The following IFT74 variants were observed in gnomAD, a reference collection of about 807,000 sequenced individuals.
IFT74 encodes the protein intraflagellar transport 74.
A neutral mutation model predicts 96.7 loss-of-function variants in IFT74; 92 were observed. The ratio of observed to expected loss-of-function variants is 0.95; its 90% CI spans 0.80 to 1.13. The LOEUF (loss-of-function observed/expected upper bound fraction) is 1.13, where lower values mean the gene tolerates loss of function less well. IFT74 is among the 50% of genes most tolerant of loss of function. The pLI is 0.00. For synonymous variants in IFT74, 223 were observed against 213.2 expected (o/e 1.05, Z -0.40); for missense variants, 811 against 698.2 (o/e 1.16, Z -1.82).
At chr9:27,019,412 T>C (rs1829496048) in intron 12 of IFT74, among the ~76,000 whole-genome samples, 1 of 152,038 alleles carries the variant, frequency 6.6e-6, no homozygotes, top group East Asian at 1.9e-4. Flanking sequence ...TCAGGATGCT[T>C]TCACTTAGCA....
intron 9 of IFT74, 77 bp downstream of exon 9, chr9:27,009,235 C>A: frequency 7.5e-7 from 1 of 1,335,552 alleles, no homozygotes; most frequent in Non-Finnish European, 1.0e-6. Flanking sequence ...TCAGCAGCAT[C>A]AGCATCCCCT....
At chr9:26,979,703 C>CT (rs951706952) in intron 3 of IFT74, among the ~76,000 whole-genome samples, 8,582 of 75,522 alleles carry the variant, frequency 0.11, 1,991 homozygotes, top group African/African-American at 0.15. Flanking sequence ...GGAACACTTT[C>CT]TTTTTTTTTT....
chr9:26,959,201 C>T (rs992406458), intron 1 of IFT74, among the ~76,000 whole-genome samples: 7 of 152,106 alleles, frequency 4.6e-5, no homozygotes, highest in African/African-American at 1.4e-4. Context: ...CTCTGCCTTC[C>T]GGGTTCACGC....
At chr9:27,017,336 C>G (rs571860906) in intron 11 of IFT74, among the ~76,000 whole-genome samples, 1 of 152,120 alleles carries the variant, frequency 6.6e-6, no homozygotes, top group South Asian at 2.1e-4. Context: ...GATCCTCCAC[C>G]TCAGCCTCCC....
chr9:27,005,150 C>CT (rs1255827843), intron 8 of IFT74, among the ~76,000 whole-genome samples: 2 of 145,682 alleles, frequency 1.4e-5, no homozygotes, highest in Non-Finnish European at 3.0e-5. Flanking sequence ...GATTTAAAAC[C>CT]TTTTTGTAAT....
chr9:26,975,891 G>T (rs1239787094), intron 2 of IFT74, among the ~76,000 whole-genome samples: 1 of 152,160 alleles, frequency 6.6e-6, no homozygotes, highest in Non-Finnish European at 1.5e-5. Flanking sequence ...TGCTTCCCTT[G>T]TGGGAAATGG....
intron 9 of IFT74, among the ~76,000 whole-genome samples, chr9:27,011,426 C>T (rs1010758171): frequency 6.6e-6 from 1 of 151,992 alleles, no homozygotes. Flanking sequence ...TTTATATTTA[C>T]ATATATGTGT....
chr9:27,059,184 A>C (rs540773849), intron 18 of IFT74, among the ~76,000 whole-genome samples: 1 of 152,156 alleles, frequency 6.6e-6, no homozygotes, highest in Non-Finnish European at 1.5e-5. Flanking sequence ...ACAATTTCGA[A>C]TCCTTCTCTG....
chr9:26,986,334 T>TC (rs1052940333), intron 6 of IFT74, among the ~76,000 whole-genome samples: 5 of 151,962 alleles, frequency 3.3e-5, no homozygotes, highest in Non-Finnish European at 7.4e-5. Flanking sequence ...TTTTTTTTTT[T>TC]CAAGACAGTC....
intron 2 of IFT74, among the ~76,000 whole-genome samples, chr9:26,973,296 C>T (rs1033856980): frequency 3.3e-5 from 5 of 152,166 alleles, no homozygotes; most frequent in African/African-American, 1.2e-4. Flanking sequence ...CATCTGATTT[C>T]TTGACAGGCA....
intron 8 of IFT74, chr9:26,993,026 TCA>T (rs1341540588): frequency 8.5e-5 from 13 of 152,240 alleles, no homozygotes; most frequent in African/African-American, 3.1e-4. Flanking sequence ...TAATTCAGTT[TCA>T]CAGTCTTGCT....
Position 27,038,937 on chromosome 9 carries a change from C to A in IFT74, c.1055-5805C>A, listed in dbSNP as rs534291361. Among the ~76,000 whole-genome samples, 4 of 152,268 alleles carry A rather than the reference C, an allele frequency of 2.6e-5. No homozygotes were observed. The South Asian group carries it at 6.2e-4, about 24-fold the overall frequency. On this transcript the variant is annotated intron_variant, in intron 13 of 19. Transcript: ENST00000380062. Reference sequence around the variant, plus strand: ...AAAAAGGAGAAACAGCTTCCTAGAACAATGTTCCCAACTAAAGCCGTCTGT... The same window carrying A: ...AAAAAGGAGAAACAGCTTCCTAGAAAAATGTTCCCAACTAAAGCCGTCTGT...
rs10217666 is a variant in IFT74, at chr9:26,997,415, C to T, written c.587+7220C>T. 9.0e-3 allele frequency among the ~76,000 whole-genome samples: 1,282 copies of T among 142,568 alleles called. 17 individuals are homozygous for T. The highest frequency in any genetic ancestry group is 0.031 in the African/African-American group (1,195 of 38,998). The allele number at this position is 142,568 out of a possible 152,430, so 93.5% of individuals were successfully genotyped here. A position where few individuals can be genotyped will look rare whatever the true frequency, so the allele number is the denominator to read the frequency against. On this transcript the variant is annotated intron_variant, in intron 8 of 19. Coordinates refer to ENST00000380062, the MANE Select transcript of IFT74 (RefSeq NM_025103.4). ...GTGGCACGATCTCGGCTCACTGTAA[C>T]ATCTGCCTCCCAGGTTCAAGCAATT...
At chr9:27,058,462 T>C (rs1268303468) in intron 18 of IFT74, among the ~76,000 whole-genome samples, 3 of 152,056 alleles carry the variant, frequency 2.0e-5, no homozygotes, top group Non-Finnish European at 4.4e-5. Flanking sequence ...CTTGGCTTAC[T>C]GCAACCTCCA....
intron 16 of IFT74, among the ~76,000 whole-genome samples, chr9:27,054,003 A>G (rs558592281): frequency 1.4e-3 from 206 of 152,354 alleles, no homozygotes; most frequent in African/African-American, 4.6e-3. Flanking sequence ...GTACATACAC[A>G]TATATATTTT....
At chr9:27,046,835 A>G (rs1819714969) in intron 14 of IFT74, among the ~76,000 whole-genome samples, 1 of 152,214 alleles carries the variant, frequency 6.6e-6, no homozygotes, top group Non-Finnish European at 1.5e-5. Flanking sequence ...ATTGAATAAT[A>G]ATTACCTTTG....
chr9:26,962,757 A>T (rs1826421106), intron 2 of IFT74, among the ~76,000 whole-genome samples: 1 of 152,146 alleles, frequency 6.6e-6, no homozygotes, highest in Non-Finnish European at 1.5e-5. Context: ...GGCTTTCTAA[A>T]CATGACAGAA....
intron 13 of IFT74, among the ~76,000 whole-genome samples, chr9:27,034,161 C>G (rs145203679): frequency 6.6e-6 from 1 of 152,268 alleles, no homozygotes; most frequent in Non-Finnish European, 1.5e-5. Flanking sequence ...TTTCCAGATT[C>G]AAGTATTTTC....
At chr9:27,060,698 C>A in intron 19 of IFT74, 47 bp downstream of exon 19, 1 of 1,393,498 alleles carries the variant, frequency 7.2e-7, no homozygotes, top group Non-Finnish European at 1.0e-6. Flanking sequence ...GTGGCTCATG[C>A]CTATAGTCCC....
Sources: gnomAD v4.1 joint callset for allele counts (sites outside exome capture counted in the v4.1 genomes callset) on GRCh38, gnomAD v4.1.1 for gene constraint, MANE v1.5 for transcripts, NCBI Gene and HGNC (gene_info 2026-07-23, HGNC 2026-07-21) for gene names.